Variants in CCNE2 observed in about 807,000 individuals in gnomAD.
CCNE2 encodes the protein cyclin E2, also known as G1/S-specific cyclin-E2.
A neutral mutation model predicts 56.8 loss-of-function variants in CCNE2; 18 were observed. The observed-to-expected ratio is 0.32, with a 90% CI of 0.22 to 0.47. The LOEUF is 0.47. Among genes scored for constraint, CCNE2 ranks in the 20% least tolerant of loss-of-function variants. The pLI, the probability that CCNE2 is intolerant of heterozygous loss-of-function variation, is 1.00. For missense variants in CCNE2, 371 were observed against 467.1 expected (o/e 0.79, Z 1.90); for synonymous variants, 139 against 149.2 (o/e 0.93, Z 0.50).
At position 94,891,827 on chromosome 8, in the gene CCNE2, T is replaced by A. The variant is rs1379845507; in HGVS notation, c.317+991A>T. The A allele has an allele frequency of 7.2e-6, 11 of 1,537,934 alleles. No individual in the cohort carries two copies. The East Asian group carries it at 2.5e-4, about 35-fold the overall frequency. ...CCCAAAAAGAGTGCTGAATTTTTGCTGCACATGCTTAAAAATGCAGAGAGT... is the reference window on the plus strand; with the variant it reads ...CCCAAAAAGAGTGCTGAATTTTTGCAGCACATGCTTAAAAATGCAGAGAGT... On this transcript the variant is annotated intron_variant, in intron 5 of 11. Transcript: ENST00000308108.
rs1554616521 is a variant in CCNE2 at position 94,880,837 on chromosome 8, C to CTT, written c.*793_*794dup. 1 of 398,314 alleles carries CTT rather than the reference C, an allele frequency of 2.5e-6. No homozygotes were observed. Among genetic ancestry groups the CTT allele is most frequent in the Non-Finnish European group, 4.4e-6 (1 of 225,798 alleles). The allele number at this position is 398,314 out of a possible 1,614,324, so 24.7% of individuals were successfully genotyped here. ...CTCATATAAATAGTTTGAAAGGGTA[C>CTT]TTAAGTTTTTCACCCAAATTGTGAT... On this transcript the variant is annotated 3_prime_UTR_variant, in exon 12 of 12. Transcript: ENST00000308108.
At chr8:94,882,682 A>C in intron 10 of CCNE2, 99 bp downstream of exon 10, 1 of 831,454 alleles carries the variant, frequency 1.2e-6, no homozygotes, top group South Asian at 1.7e-5. Context: ...TTTTTTGCCA[A>C]AGTTTTAAAT....
intron 5 of CCNE2, chr8:94,892,000 T>C (rs1157960296): frequency 2.2e-6 from 2 of 890,648 alleles, no homozygotes; most frequent in African/African-American, 3.3e-5. Context: ...CGAAATGATC[T>C]TTAGTGAAAA....
intron 7 of CCNE2, among the ~76,000 whole-genome samples, chr8:94,886,378 A>C (rs1817039985): frequency 6.6e-6 from 1 of 152,230 alleles, no homozygotes; most frequent in South Asian, 2.1e-4. Flanking sequence ...AACTTGCTTT[A>C]AGATTGCCTG....
intron 11 of CCNE2, 143 bp from the exon 12 acceptor site, chr8:94,881,888 T>A: frequency 9.9e-7 from 1 of 1,009,886 alleles, no homozygotes; most frequent in Non-Finnish European, 1.4e-6. Context: ...TCTGAAAGTT[T>A]CTGTAACGTT....
intron 7 of CCNE2, among the ~76,000 whole-genome samples, chr8:94,887,419 C>T (rs1459309583): frequency 1.3e-5 from 2 of 152,032 alleles, no homozygotes; most frequent in Non-Finnish European, 2.9e-5. Context: ...GCAGAAGAAT[C>T]GCTTGAACCT....
intron 5 of CCNE2, chr8:94,891,752 T>G (rs1252250264): frequency 4.9e-6 from 5 of 1,030,380 alleles, no homozygotes; most frequent in Non-Finnish European, 6.0e-6. Context: ...AATGGTGGAG[T>G]TGGTAGGTGT....
At chr8:94,887,761 A>T (rs966588897) in intron 7 of CCNE2, among the ~76,000 whole-genome samples, 166 bp downstream of exon 7, 1 of 152,238 alleles carries the variant, frequency 6.6e-6, no homozygotes, top group Non-Finnish European at 1.5e-5. Flanking sequence ...AACTATGATA[A>T]TTTATCATTC....
chr8:94,891,549 T>C, intron 5 of CCNE2: 1 of 331,406 alleles, frequency 3.0e-6, no homozygotes, highest in Non-Finnish European at 5.8e-6. Context: ...TCCCAGCTAC[T>C]CAGGAGGCTG....
chr8:94,890,462 C>T lies in CCNE2; in HGVS notation c.406G>A (p.Asp136Asn). The T allele has an allele frequency of 2.5e-6, 4 of 1,609,164 alleles. No homozygotes were observed. The highest frequency in any genetic ancestry group is 3.4e-6 in the Non-Finnish European group (4 of 1,177,342). ...HDKHFEVLHS[D>N]LEPQMRSILL... ...ATGGACCTCATCTGTGGTTCCAAGT[C>T]AGAATGCAGAACTTCAAAATGTTTG... The change falls in exon 6 of 12, where the codon GAC becomes AAC. Residue 136 changes from aspartate to asparagine, a missense_variant. Asp to Asn is a conservative substitution (Grantham distance 23, BLOSUM62 1). Transcript: ENST00000308108.
Position 94,881,544 on chromosome 8 carries a change from C to T in CCNE2, c.*88G>A. 2 of 1,344,372 alleles carry T rather than the reference C, an allele frequency of 1.5e-6. No homozygotes were observed. The highest frequency in any genetic ancestry group is 2.1e-6 in the Non-Finnish European group (2 of 965,112). 83.3% of individuals were successfully genotyped at this position (1,344,372 alleles called of 1,614,324 possible). A position where few individuals can be genotyped will look rare whatever the true frequency, so the allele number is the denominator to read the frequency against. On this transcript the variant is annotated 3_prime_UTR_variant, in exon 12 of 12. Transcript: ENST00000308108. ...AATTGGCTAGGGCAATCAATCACAG[C>T]ACTACTTTCTGTAAAACTTTAGTAG...
chr8:94,896,407 G>C (rs1030306685), upstream of CCNE2: 3 of 152,016 alleles, frequency 2.0e-5, no homozygotes, highest in Admixed American at 2.0e-4. Context: ...TTTAAACTTA[G>C]GGGTCCCTTC....
In CCNE2 at chr8:94,882,199, G is replaced by A. The variant is rs921094517; in HGVS notation, c.1034C>T (p.Thr345Ile). 10 of 1,613,124 alleles carry A rather than the reference G, an allele frequency of 6.2e-6. No individual in the cohort carries two copies. The highest frequency in any genetic ancestry group is 8.5e-6 in the Non-Finnish European group (10 of 1,179,600). ...GTCTTCCATAGGAATCTTCTTAAAA[G>A]TCTTCAGCTTCACTGGACTAGTACT... ...VKSTSPVKLK[T>I]FKKIPMEDRH... The change falls in exon 11 of 12, where the codon ACT becomes ATT. Residue 345 changes from threonine to isoleucine, a missense_variant. Thr to Ile is a moderately conservative substitution (Grantham distance 89). Transcript: ENST00000308108.
At chr8:94,884,301 ATTAC>A (rs1816948103) in intron 9 of CCNE2, among the ~76,000 whole-genome samples, 1 of 151,118 alleles carries the variant, frequency 6.6e-6, no homozygotes. Context: ...CAGCCTTAAG[ATTAC>A]TTACGAGAAG....
intron 5 of CCNE2, chr8:94,891,197 C>T (rs1199740818): frequency 1.3e-5 from 2 of 154,672 alleles, no homozygotes; most frequent in Non-Finnish European, 2.9e-5. Flanking sequence ...AAAAGATAAC[C>T]ACGTTGCTTT....
At chr8:94,885,731 T>C (rs540430021) in intron 7 of CCNE2, among the ~76,000 whole-genome samples, 173 bp from the exon 8 acceptor site, 292 of 136,784 alleles carry the variant, frequency 2.1e-3, no homozygotes, top group African/African-American at 6.0e-3. Flanking sequence ...TTCTTTCTTT[T>C]TTTTTTTTTT....
intron 5 of CCNE2, chr8:94,892,213 C>G (rs1188339874): frequency 5.1e-6 from 2 of 395,776 alleles, no homozygotes; most frequent in Non-Finnish European, 9.6e-6. Context: ...CAAGAGAAGT[C>G]TCAATCACCT....
At position 94,880,410 on chromosome 8, in the gene CCNE2, C is replaced by A; in HGVS notation, c.*1222G>T. ...CTATACAGAAGACTTCATACCGTAA[C>A]AATAAATGTATAGTTTCTTCAAAGG... is the stretch of plus-strand genomic sequence containing the variant. On this transcript the variant is annotated 3_prime_UTR_variant, in exon 12 of 12. Coordinates refer to ENST00000308108, the MANE Select transcript of CCNE2 (RefSeq NM_057749.3). 1 of 395,290 alleles carries A rather than the reference C, an allele frequency of 2.5e-6. No homozygotes were observed. The highest frequency in any genetic ancestry group is 4.5e-6 in the Non-Finnish European group (1 of 221,642). 24.5% of individuals were successfully genotyped at this position (395,290 alleles called of 1,614,324 possible).
chr8:94,896,179 C>G (rs968173773), upstream of CCNE2, among the ~76,000 whole-genome samples: 1 of 151,736 alleles, frequency 6.6e-6, no homozygotes, highest in African/African-American at 2.4e-5. Flanking sequence ...ATTCCTCCTC[C>G]CCCTGAGCGC....
Sources: gnomAD v4.1 joint callset for allele counts (sites outside exome capture counted in the v4.1 genomes callset) on GRCh38, gnomAD v4.1.1 for gene constraint, MANE v1.5 for transcripts, NCBI Gene and HGNC (gene_info 2026-07-23, HGNC 2026-07-21) for gene names.